Variants in GPC6 observed in about 807,000 individuals in gnomAD.
The protein encoded by GPC6 is glypican-6.
Under a neutral mutation model 55.2 loss-of-function variants are expected in GPC6, and 14 were observed. That is an observed-to-expected ratio of 0.25 (90% CI 0.17 to 0.40). GPC6 has a LOEUF of 0.40. Ranked by LOEUF, GPC6 falls within the 10% of genes least tolerant of loss-of-function variation. The pLI is 1.00. For synonymous variants in GPC6, 278 were observed against 259.6 expected, an observed-to-expected ratio of 1.07 and a Z score of -0.68; for missense variants, 641 against 708.5, an observed-to-expected ratio of 0.90 and a Z score of 1.08.
At chr13:94,338,159 G>A (rs1449615544) in intron 6 of GPC6, among the ~76,000 whole-genome samples, 1 of 152,166 alleles carries the variant, frequency 6.6e-6, no homozygotes, top group South Asian at 2.1e-4. Flanking sequence ...TCTCTTTTGG[G>A]TCACAGATGT....
At chr13:93,563,213 A>C (rs1875903293) in intron 2 of GPC6, among the ~76,000 whole-genome samples, 1 of 152,140 alleles carries the variant, frequency 6.6e-6, no homozygotes. Context: ...TTATGAAAAA[A>C]AATGAAAATC....
At chr13:93,246,193 G>A (rs1177675659) in intron 1 of GPC6, among the ~76,000 whole-genome samples, 2 of 152,136 alleles carry the variant, frequency 1.3e-5, no homozygotes, top group Non-Finnish European at 2.9e-5. Flanking sequence ...TACATTTAGA[G>A]CTGGTCACTC....
At chr13:93,663,929 A>G (rs987757736) in intron 2 of GPC6, among the ~76,000 whole-genome samples, 1 of 152,212 alleles carries the variant, frequency 6.6e-6, no homozygotes, top group Non-Finnish European at 1.5e-5. Context: ...TTCTAGAGCT[A>G]GAGGAGGCAA....
chr13:93,438,605 G>A (rs1335428337), intron 1 of GPC6, among the ~76,000 whole-genome samples: 1 of 152,196 alleles, frequency 6.6e-6, no homozygotes, highest in Non-Finnish European at 1.5e-5. Flanking sequence ...GCAATCTCAT[G>A]ATAAAATATG....
At chr13:93,408,734 A>G (rs1457395968) in intron 1 of GPC6, among the ~76,000 whole-genome samples, 3 of 152,152 alleles carry the variant, frequency 2.0e-5, no homozygotes, top group Non-Finnish European at 4.4e-5. Flanking sequence ...CTGGCAAAGC[A>G]CTGCTAGGGA....
Position 94,065,797 on chromosome 13 carries a change from A to C in GPC6, c.877+37903A>C, listed in dbSNP as rs149604600. Among the ~76,000 whole-genome samples, 88 of 152,262 alleles carry C rather than the reference A, an allele frequency of 5.8e-4. No homozygotes were observed. The East Asian group carries it at 0.016, about 28-fold the overall frequency. ...TTAAGTAATGATGTGTAGCATCTTG[A>C]GATCTGATTAATTTATTCATTCAGT... is the stretch of plus-strand genomic sequence containing the variant. On this transcript the variant is annotated intron_variant, in intron 4 of 8. Transcript: ENST00000377047.
At chr13:93,263,951 TCA>T (rs1220654711) in intron 1 of GPC6, among the ~76,000 whole-genome samples, 1 of 152,160 alleles carries the variant, frequency 6.6e-6, no homozygotes, top group African/African-American at 2.4e-5. Flanking sequence ...CTCAGACCAC[TCA>T]GAGTCACTTG....
chr13:93,964,922 A>G (rs1017371486), intron 3 of GPC6, among the ~76,000 whole-genome samples: 1 of 152,160 alleles, frequency 6.6e-6, no homozygotes, highest in Non-Finnish European at 1.5e-5. Flanking sequence ...ACATTGCAGA[A>G]AATAGCTTAC....
chr13:93,967,691 G>C (rs1054213337), intron 3 of GPC6, among the ~76,000 whole-genome samples: 1 of 152,142 alleles, frequency 6.6e-6, no homozygotes, highest in African/African-American at 2.4e-5. Flanking sequence ...TTATAACCAA[G>C]TGAGATATGA....
chr13:93,371,137 T>C (rs75538929), intron 1 of GPC6, among the ~76,000 whole-genome samples: 1 of 152,274 alleles, frequency 6.6e-6, no homozygotes, highest in Non-Finnish European at 1.5e-5. Context: ...TGTAACATAG[T>C]TCTTGACATA....
intron 2 of GPC6, among the ~76,000 whole-genome samples, chr13:93,569,857 AAATT>A (rs1876318962): frequency 6.6e-6 from 1 of 152,112 alleles, no homozygotes; most frequent in African/African-American, 2.4e-5. Context: ...GTGTGAAAAT[AAATT>A]AAGATATCTT....
chr13:93,969,317 G>A (rs1370541256), intron 3 of GPC6, among the ~76,000 whole-genome samples: 1 of 152,122 alleles, frequency 6.6e-6, no homozygotes, highest in Non-Finnish European at 1.5e-5. Flanking sequence ...CATTTGTCCT[G>A]CAGTGAGAGC....
At chr13:93,672,859 T>C (rs7984004) in intron 2 of GPC6, among the ~76,000 whole-genome samples, 6,578 of 152,146 alleles carry the variant, frequency 0.043, 483 homozygotes, top group African/African-American at 0.15. Context: ...TGCTGAAACA[T>C]TGACCCCCAA....
chr13:93,770,972 G>GTGCT (rs1370839179), intron 2 of GPC6, among the ~76,000 whole-genome samples: 1 of 133,308 alleles, frequency 7.5e-6, no homozygotes, highest in Non-Finnish European at 1.8e-5. Flanking sequence ...AGCAGAGGAT[G>GTGCT]TGCTTTGTAA....
At chr13:93,618,262 T>C (rs1163608372) in intron 2 of GPC6, among the ~76,000 whole-genome samples, 1 of 152,066 alleles carries the variant, frequency 6.6e-6, no homozygotes, top group Non-Finnish European at 1.5e-5. Flanking sequence ...TAAACAAAAA[T>C]ATATACATGT....
chr13:94,367,856 T>C (rs2139188624), intron 6 of GPC6, among the ~76,000 whole-genome samples: 2 of 152,112 alleles, frequency 1.3e-5, no homozygotes, highest in East Asian at 3.9e-4. Context: ...TTGGGAGTAA[T>C]GTTAAAAGTA....
At chr13:93,722,420 G>T (rs1883485544) in intron 2 of GPC6, among the ~76,000 whole-genome samples, 1 of 151,808 alleles carries the variant, frequency 6.6e-6, no homozygotes, top group Non-Finnish European at 1.5e-5. Context: ...AAATTAATTT[G>T]TTTAATTTAA....
intron 1 of GPC6, among the ~76,000 whole-genome samples, chr13:93,535,676 T>C (rs1366708469): frequency 6.8e-6 from 1 of 146,120 alleles, no homozygotes; most frequent in Non-Finnish European, 1.5e-5. Flanking sequence ...TTGCAGATAC[T>C]TTTTTAGGAA....
chr13:93,589,051 C>T (rs1310623879), intron 2 of GPC6, among the ~76,000 whole-genome samples: 1 of 152,130 alleles, frequency 6.6e-6, no homozygotes, highest in Non-Finnish European at 1.5e-5. Context: ...AATACAAACT[C>T]CTGCCAAGTA....
Sources: allele counts gnomAD v4.1 joint callset (sites outside exome capture counted in the v4.1 genomes callset), GRCh38; gene constraint gnomAD v4.1.1; transcripts MANE v1.5; gene names NCBI Gene and HGNC (gene_info 2026-07-23, HGNC 2026-07-21).